DLGAP1: variants seen among roughly 807,000 people sequenced by gnomAD.
DLGAP1 encodes disks large-associated protein 1.
In DLGAP1, 11 loss-of-function variants were observed where a neutral mutation model predicts 90.8. That is an observed-to-expected ratio of 0.12 (90% CI 0.08 to 0.20). The LOEUF (loss-of-function observed/expected upper bound fraction) is 0.20, where lower values mean the gene tolerates loss of function less well. DLGAP1 is among the 10% of genes least tolerant of loss of function. The pLI is 1.00. For missense variants in DLGAP1, 1,050 were observed against 1,333.8 expected, an observed-to-expected ratio of 0.79 and a Z score of 3.31; for synonymous variants, 558 against 540.7, an observed-to-expected ratio of 1.03 and a Z score of -0.44.
At position 3,534,416 on chromosome 18, in the gene DLGAP1, C is replaced by T. The variant is rs369300506; in HGVS notation, c.2257G>A (p.Ala753Thr). Residue 753 changes from alanine to threonine, a missense_variant, in exon 10 of 13, where the codon GCC becomes ACC. Ala to Thr is a moderately conservative substitution (Grantham distance 58). Around this residue, in one of 2 missense-constraint regions of DLGAP1, gnomAD observed 565 missense variants for 879.7 expected, o/e 0.64. Coordinates refer to ENST00000315677, the MANE Select transcript of DLGAP1 (RefSeq NM_004746.4). ...GSGNHYHACA[A>T]DDDFDTDFDP... ...AAATCCGTGTCAAAGTCATCATCGG[C>T]GGCACAGGCATGGTAATGGTTTCCT... 82 of 1,614,028 alleles carry T rather than the reference C, an allele frequency of 5.1e-5. No individual in the cohort carries two copies. Among genetic ancestry groups the T allele is most frequent in the Non-Finnish European group, 5.9e-5 (70 of 1,180,028 alleles).
At chr18:3,674,109 T>C (rs1248479978) in intron 7 of DLGAP1, among the ~76,000 whole-genome samples, 3 of 151,914 alleles carry the variant, frequency 2.0e-5, no homozygotes, top group African/African-American at 7.2e-5. Context: ...CCCAAAGTGC[T>C]GGGAGGACAA....
At chr18:3,835,151 T>G (rs1036389768) in intron 4 of DLGAP1, among the ~76,000 whole-genome samples, 1 of 152,232 alleles carries the variant, frequency 6.6e-6, no homozygotes, top group Admixed American at 6.5e-5. Context: ...ATAAAATAGC[T>G]TATTTAAACT....
At chr18:3,973,746 C>G (rs576961530) in intron 3 of DLGAP1, among the ~76,000 whole-genome samples, 1 of 152,250 alleles carries the variant, frequency 6.6e-6, no homozygotes, top group East Asian at 1.9e-4. Context: ...GGGGAAGGCC[C>G]AGGGCTCGGG....
chr18:3,683,814 A>C (rs1207299748), intron 7 of DLGAP1, among the ~76,000 whole-genome samples: 1 of 152,192 alleles, frequency 6.6e-6, no homozygotes, highest in African/African-American at 2.4e-5. Flanking sequence ...AGTGTTTGGG[A>C]GGGAGTGTGG....
intron 7 of DLGAP1, among the ~76,000 whole-genome samples, chr18:3,675,899 T>G (rs1250902511): frequency 6.6e-6 from 1 of 152,224 alleles, no homozygotes; most frequent in Admixed American, 6.5e-5. Flanking sequence ...TTATTAAAAC[T>G]TTCATAGTCA....
intron 2 of DLGAP1, among the ~76,000 whole-genome samples, chr18:4,036,754 G>T (rs1794718025): frequency 6.6e-6 from 1 of 152,116 alleles, no homozygotes; most frequent in African/African-American, 2.4e-5. Flanking sequence ...GGGGGGGAAG[G>T]CCTGAAAGAA....
intron 7 of DLGAP1, among the ~76,000 whole-genome samples, chr18:3,688,338 G>C (rs2060772788): frequency 6.6e-6 from 1 of 152,074 alleles, no homozygotes; most frequent in Admixed American, 6.6e-5. Context: ...ACCAGACAAA[G>C]ATGTGAGATA....
At chr18:3,558,515 T>G (rs1216679355) in intron 9 of DLGAP1, among the ~76,000 whole-genome samples, 1 of 152,122 alleles carries the variant, frequency 6.6e-6, no homozygotes, top group Non-Finnish European at 1.5e-5. Context: ...TTACAGGTAT[T>G]AGCCACCGGG....
intron 5 of DLGAP1, among the ~76,000 whole-genome samples, chr18:3,767,167 A>C (rs938282926): frequency 2.0e-5 from 3 of 152,134 alleles, no homozygotes; most frequent in Non-Finnish European, 2.9e-5. Flanking sequence ...GGAAGGAACC[A>C]ATTGCTTGAA....
At chr18:3,741,986 A>G (rs1238555373) in intron 6 of DLGAP1, among the ~76,000 whole-genome samples, 1 of 151,980 alleles carries the variant, frequency 6.6e-6, no homozygotes, top group Non-Finnish European at 1.5e-5. Context: ...GGGATCACAG[A>G]TGGGTGCCAC....
chr18:4,217,369 A>C (rs1481995332), intron 1 of DLGAP1, among the ~76,000 whole-genome samples: 1 of 152,132 alleles, frequency 6.6e-6, no homozygotes, highest in Non-Finnish European at 1.5e-5. Context: ...TGTGGAAATT[A>C]GTTTTTAACT....
intron 1 of DLGAP1, among the ~76,000 whole-genome samples, chr18:4,424,795 C>T (rs1022446193): frequency 6.6e-6 from 1 of 151,850 alleles, no homozygotes; most frequent in African/African-American, 2.4e-5. Context: ...GAGGAAATTG[C>T]GAATACAAGA....
At position 3,502,670 on chromosome 18, in the gene DLGAP1, C is replaced by T. The variant is rs201957262; in HGVS notation, c.2572-25G>A. 6.1e-5 allele frequency: 98 copies of T among 1,593,722 alleles called. No homozygotes were observed. The East Asian group carries it at 2.1e-3, about 35-fold the overall frequency. On this transcript the variant is annotated intron_variant, in intron 11 of 12. Transcript: ENST00000315677. The stretch of plus-strand genomic sequence containing the variant: ...TCTGCACAAGAGAAAGAAAAACATT[C>T]ATGCTTTAGAAGCAATTCTTGACAA...
rs2075648617 is a variant in DLGAP1, at chr18:4,084,014, T to C, written c.-159+67166A>G. ...TTGGAGAATGAGTGCAAGGTTTTATTGAGTGGTGGAAGTAGCTCCAGAAGA... is the reference window on the plus strand; with the variant it reads ...TTGGAGAATGAGTGCAAGGTTTTATCGAGTGGTGGAAGTAGCTCCAGAAGA... On this transcript the variant is annotated intron_variant, in intron 2 of 12. Coordinates refer to ENST00000315677, the MANE Select transcript of DLGAP1 (RefSeq NM_004746.4). This position sits in a 1 kb window ranked among gnomAD's most constrained non-coding sequence, Gnocchi z 4.0. Among the ~76,000 whole-genome samples the C allele has an allele frequency of 6.6e-6, 1 of 152,108 alleles. No individual in the cohort carries two copies. The highest frequency in any genetic ancestry group is 1.5e-5 in the Non-Finnish European group (1 of 68,010).
chr18:3,550,384 C>T (rs1456777863), intron 9 of DLGAP1, among the ~76,000 whole-genome samples: 5 of 152,128 alleles, frequency 3.3e-5, no homozygotes, highest in African/African-American at 9.7e-5. Context: ...TGCCACCACG[C>T]CCAGCTAATT....
At chr18:3,751,382 G>A (rs906818810) in intron 5 of DLGAP1, among the ~76,000 whole-genome samples, 8 of 148,544 alleles carry the variant, frequency 5.4e-5, no homozygotes, top group Non-Finnish European at 8.9e-5. Flanking sequence ...CTGAGGCCTC[G>A]AACTCCTGGG....
intron 3 of DLGAP1, among the ~76,000 whole-genome samples, chr18:3,927,509 T>C (rs2072418919): frequency 6.6e-6 from 1 of 152,228 alleles, no homozygotes; most frequent in Admixed American, 6.5e-5. Context: ...AAAGGTGCCA[T>C]CATGACATAT....
intron 3 of DLGAP1, among the ~76,000 whole-genome samples, chr18:3,959,737 G>C (rs1304926685): frequency 6.6e-6 from 1 of 151,864 alleles, no homozygotes; most frequent in Admixed American, 6.6e-5. Flanking sequence ...TTTTCCAGTA[G>C]TTACACTGAA....
intron 4 of DLGAP1, among the ~76,000 whole-genome samples, chr18:3,815,580 ATAT>A (rs2067066240): frequency 6.6e-6 from 1 of 152,146 alleles, no homozygotes; most frequent in Non-Finnish European, 1.5e-5. Flanking sequence ...CAACAAAATC[ATAT>A]TGTCAGTGCA....
Sources: allele counts gnomAD v4.1 joint callset (sites outside exome capture counted in the v4.1 genomes callset), GRCh38; gene constraint gnomAD v4.1.1; regional missense constraint gnomAD v4.1.1; non-coding constraint Gnocchi (gnomAD v3.1); transcripts MANE v1.5; gene names NCBI Gene and HGNC (gene_info 2026-07-23, HGNC 2026-07-21).